The following VCAN variants were observed in gnomAD, a reference collection of about 807,000 sequenced individuals.
VCAN encodes the protein versican.
In VCAN, 44 loss-of-function variants were observed where a neutral mutation model predicts 245.5. The ratio of observed to expected loss-of-function variants is 0.18; its 90% CI spans 0.14 to 0.23. The LOEUF (loss-of-function observed/expected upper bound fraction) is 0.23. Ranked by LOEUF, VCAN falls within the 10% of genes least tolerant of loss-of-function variation. VCAN has a pLI of 1.00. For missense variants in VCAN, 3,793 were observed against 4,057.9 expected, an observed-to-expected ratio of 0.93 and a Z score of 1.77; for synonymous variants, 1,413 against 1,437.0, an observed-to-expected ratio of 0.98 and a Z score of 0.38.
In VCAN at chr5:83,480,152, T is replaced by A. The variant is rs184144064; in HGVS notation, c.-6-3361T>A. Among the ~76,000 whole-genome samples the A allele has an allele frequency of 8.3e-4, 126 of 152,352 alleles. 1 individual carries two copies. In the Middle Eastern group the frequency reaches 0.031, roughly 37 times the overall value. On this transcript the variant is annotated intron_variant, in intron 1 of 14. Coordinates refer to ENST00000265077, the MANE Select transcript of VCAN (RefSeq NM_004385.5). ...ACTTATTCAAACATATTTATGCAACTTATTCAAATGTATTTAGAGCATGTC... is the reference window on the plus strand; with the variant it reads ...ACTTATTCAAACATATTTATGCAACATATTCAAATGTATTTAGAGCATGTC...
intron 10 of VCAN, among the ~76,000 whole-genome samples, chr5:83,550,488 CAAATAGACTAT>C (rs1747419082): frequency 6.6e-6 from 1 of 152,084 alleles, no homozygotes; most frequent in South Asian, 2.1e-4. Flanking sequence ...GTTGAAAAAA[CAAATAGACTAT>C]TTCTATGAAT....
chr5:83,517,390 G>A (rs542674475), intron 6 of VCAN, among the ~76,000 whole-genome samples: 1 of 152,142 alleles, frequency 6.6e-6, no homozygotes, highest in African/African-American at 2.4e-5. Flanking sequence ...AGTAAATTTA[G>A]CTTTTTTGTT....
intron 3 of VCAN, among the ~76,000 whole-genome samples, chr5:83,490,729 C>T (rs769578585): frequency 2.5e-4 from 38 of 152,004 alleles, no homozygotes; most frequent in Admixed American, 4.6e-4. Flanking sequence ...TACCTCAAGG[C>T]ATGACACATA....
In VCAN at chr5:83,488,187, AATT is replaced by A. The variant is rs368951947; in HGVS notation, c.71-1909_71-1907del. On this transcript the variant is annotated intron_variant, in intron 2 of 14. Transcript: ENST00000265077. ...ATCTTTGTGTTATCATCATCTCCCT[AATT>A]AGGTCCAAATTAAAGGAATGTGAAA... Among the ~76,000 whole-genome samples the A allele has an allele frequency of 8.2e-4, 125 of 152,286 alleles. 3 individuals are homozygous for A. The South Asian group carries it at 0.025, about 31-fold the overall frequency.
intron 12 of VCAN, among the ~76,000 whole-genome samples, chr5:83,557,568 C>G (rs1419520856): frequency 6.6e-6 from 1 of 152,084 alleles, no homozygotes; most frequent in Admixed American, 6.6e-5. Context: ...AGCAAGGCAA[C>G]TCAACTAGTT....
At chr5:83,477,889 C>A (rs1330722142) in intron 1 of VCAN, among the ~76,000 whole-genome samples, 1 of 150,800 alleles carries the variant, frequency 6.6e-6, no homozygotes, top group East Asian at 1.9e-4. Context: ...ATTAAAACAC[C>A]AATGATATGC....
intron 10 of VCAN, among the ~76,000 whole-genome samples, chr5:83,551,211 A>C (rs1747453423): frequency 1.3e-5 from 2 of 152,042 alleles, no homozygotes; most frequent in African/African-American, 4.8e-5. Context: ...ATGATAAACT[A>C]TTTAGAAGAC....
chr5:83,490,404 G>T lies in VCAN; in HGVS notation c.377G>T (p.Gly126Val). ...GTCAAGCTGCTGGCAAGTGATGCGGGTCTTTACCGCTGTGACGTCATGTAC... is the reference window on the plus strand; with the variant it reads ...GTCAAGCTGCTGGCAAGTGATGCGGTTCTTTACCGCTGTGACGTCATGTAC... ...TVVKLLASDA[G>V]LYRCDVMYGI... Residue 126 changes from glycine to valine, a missense_variant, in exon 3 of 15, where the codon GGT becomes GTT. Around this residue, in one of 5 missense-constraint regions of VCAN, gnomAD observed 179 missense variants for 169.7 expected, o/e 1.05. Transcript: ENST00000265077. 1 of 1,614,194 alleles carries T rather than the reference G, an allele frequency of 6.2e-7. No individual in the cohort carries two copies. Among genetic ancestry groups the T allele is most frequent in the Non-Finnish European group, 8.5e-7 (1 of 1,180,040 alleles).
chr5:83,515,870 A>T (rs980933013), intron 6 of VCAN, among the ~76,000 whole-genome samples: 1 of 152,196 alleles, frequency 6.6e-6, no homozygotes, highest in Non-Finnish European at 1.5e-5. Flanking sequence ...CGATTGGTAT[A>T]TTACAAATGT....
chr5:83,482,808 T>A (rs1257421028), intron 1 of VCAN, among the ~76,000 whole-genome samples: 2 of 152,344 alleles, frequency 1.3e-5, no homozygotes, highest in East Asian at 3.9e-4. Flanking sequence ...ACAGGGTATT[T>A]TCTTTCATTC....
chr5:83,537,026 T>A lies in VCAN; in HGVS notation c.4023T>A (p.Ser1341Arg), dbSNP rs1478790690. 1.3e-6 allele frequency: 2 copies of A among 1,599,970 alleles called. No individual in the cohort carries two copies. Among genetic ancestry groups the A allele is most frequent in the East Asian group, 2.2e-5 (1 of 44,722 alleles). ...TTTCAGGTCGAATGAGTGATTTGAG[T>A]GTAATTGGTCATCCAATAGATTCAG... Reference protein sequence around the residue: ...ENKTGRMSDLSVIGHPIDSES... With the variant: ...ENKTGRMSDLRVIGHPIDSES... The change falls in exon 8 of 15, where the codon AGT (serine) becomes AGA (arginine). Residue 1341 changes from serine to arginine, a missense_variant. Around this residue, in one of 5 missense-constraint regions of VCAN, gnomAD observed 3,182 missense variants for 3,250.3 expected, o/e 0.98. Transcript: ENST00000265077.
intron 12 of VCAN, among the ~76,000 whole-genome samples, chr5:83,556,828 TA>T (rs1747686718): frequency 1.3e-5 from 2 of 152,202 alleles, no homozygotes; most frequent in African/African-American, 4.8e-5. Flanking sequence ...AAGCTGTTTT[TA>T]TAATTTTATT....
At chr5:83,550,966 A>C (rs1459348402) in intron 10 of VCAN, among the ~76,000 whole-genome samples, 1 of 148,392 alleles carries the variant, frequency 6.7e-6, no homozygotes, top group East Asian at 2.0e-4. Flanking sequence ...AAACCACTCT[A>C]AGTGGTTTTT....
At chr5:83,475,007 T>C (rs1480315584) in intron 1 of VCAN, among the ~76,000 whole-genome samples, 1 of 152,212 alleles carries the variant, frequency 6.6e-6, no homozygotes. Context: ...GTTGACTTTT[T>C]AAATACATTC....
At chr5:83,570,257 C>A (rs17284524) in intron 12 of VCAN, among the ~76,000 whole-genome samples, 18,945 of 151,834 alleles carry the variant, frequency 0.12, 1,329 homozygotes, top group South Asian at 0.27. Context: ...TAAAACCACC[C>A]TTCATGCTGT....
chr5:83,567,205 A>G (rs1425057879), intron 12 of VCAN, among the ~76,000 whole-genome samples: 2 of 152,066 alleles, frequency 1.3e-5, no homozygotes, highest in Middle Eastern at 3.2e-3. Context: ...AGCATTAAGC[A>G]GTTATATACT....
intron 3 of VCAN, among the ~76,000 whole-genome samples, chr5:83,491,197 A>C (rs1205886247): frequency 2.6e-5 from 4 of 152,196 alleles, no homozygotes; most frequent in African/African-American, 9.7e-5. Context: ...AAGCAAAGAA[A>C]AATTGCTTTA....
intron 12 of VCAN, among the ~76,000 whole-genome samples, chr5:83,568,840 A>G (rs1304873464): frequency 6.6e-6 from 1 of 152,206 alleles, no homozygotes; most frequent in Non-Finnish European, 1.5e-5. Flanking sequence ...TATCACTCAG[A>G]CATAAACTCT....
In VCAN at chr5:83,522,126, G is replaced by A. The variant is rs375185685; in HGVS notation, c.3820G>A (p.Asp1274Asn). 3.8e-5 allele frequency: 62 copies of A among 1,613,670 alleles called. No homozygotes were observed. Among genetic ancestry groups the A allele is most frequent in the Non-Finnish European group, 4.8e-5 (57 of 1,180,034 alleles). Residue 1274 changes from aspartate (D) to asparagine (N), a missense_variant, in exon 7 of 15, where the codon GAT becomes AAT. Around this residue, in one of 5 missense-constraint regions of VCAN, gnomAD observed 3,182 missense variants for 3,250.3 expected, o/e 0.98. Transcript: ENST00000265077. ...TATTGTAGCCAAGGAAACAGAAACCGATATTGATAGAGAGTATTTCACGAC... is the reference window on the plus strand; with the variant it reads ...TATTGTAGCCAAGGAAACAGAAACCAATATTGATAGAGAGTATTTCACGAC... ...EDIVAKETET[D>N]IDREYFTTSS...
Sources: gnomAD v4.1 joint callset for allele counts (sites outside exome capture counted in the v4.1 genomes callset) on GRCh38, gnomAD v4.1.1 for gene constraint, gnomAD v4.1.1 regional missense constraint, MANE v1.5 for transcripts, NCBI Gene and HGNC (gene_info 2026-07-23, HGNC 2026-07-21) for gene names.